The following ITGB6 variants were observed in gnomAD, a reference collection of about 807,000 sequenced individuals.
ITGB6 encodes integrin beta-6.
In ITGB6, 80 loss-of-function variants were observed where a neutral mutation model predicts 84.5. That is an observed-to-expected ratio of 0.95 (90% CI 0.79 to 1.14). The LOEUF (loss-of-function observed/expected upper bound fraction) is 1.14, where lower values mean the gene tolerates loss of function less well. Ranked by LOEUF, ITGB6 falls within the 50% of genes most tolerant of loss-of-function variation. ITGB6 has a pLI of 0.00. For missense variants in ITGB6, 1,006 were observed against 968.0 expected (o/e 1.04, Z -0.52); for synonymous variants, 383 against 354.9 (o/e 1.08, Z -0.89).
intron 4 of ITGB6, among the ~76,000 whole-genome samples, chr2:160,186,359 G>T (rs1340568946): frequency 6.6e-6 from 1 of 151,242 alleles, no homozygotes; most frequent in Non-Finnish European, 1.5e-5. Context: ...AGAAACATAT[G>T]AAAAAAAGCT....
At chr2:160,146,369 C>T (rs1459721158) in intron 7 of ITGB6, among the ~76,000 whole-genome samples, 4 of 152,096 alleles carry the variant, frequency 2.6e-5, no homozygotes, top group Non-Finnish European at 5.9e-5. Flanking sequence ...TCTCTGCTTG[C>T]TTAACTCTCT....
chr2:160,119,170 A>T (rs1682914224), intron 12 of ITGB6, among the ~76,000 whole-genome samples: 1 of 152,200 alleles, frequency 6.6e-6, no homozygotes, highest in Admixed American at 6.5e-5. Flanking sequence ...AACTACTTTA[A>T]AGTTCATATG....
intron 7 of ITGB6, among the ~76,000 whole-genome samples, chr2:160,168,104 C>T (rs1320860218): frequency 6.6e-6 from 1 of 152,198 alleles, no homozygotes; most frequent in Non-Finnish European, 1.5e-5. Context: ...GCGTAGAACA[C>T]AGGTTTCAAG....
intron 7 of ITGB6, among the ~76,000 whole-genome samples, chr2:160,145,759 GT>G (rs1429112099): frequency 6.6e-6 from 1 of 152,184 alleles, no homozygotes; most frequent in Non-Finnish European, 1.5e-5. Context: ...CAGGCTGTTG[GT>G]TGGCCTTCTC....
intron 8 of ITGB6, among the ~76,000 whole-genome samples, chr2:160,141,269 AG>A (rs148573461): frequency 1.3e-5 from 2 of 151,794 alleles, no homozygotes; most frequent in Non-Finnish European, 1.5e-5. Context: ...GCAAAAAAAA[AG>A]GGGGGGTGAT....
In ITGB6 at chr2:160,171,305, A is replaced by T. The variant is rs371600794; in HGVS notation, c.921+1264T>A. Among the ~76,000 whole-genome samples the T allele has an allele frequency of 8.6e-5, 13 of 150,536 alleles. No individual in the cohort carries two copies. In the East Asian group the frequency reaches 1.7e-3, roughly 20 times the overall value. On this transcript the variant is annotated intron_variant, in intron 6 of 14. Transcript: ENST00000283249. Reference sequence around the variant, plus strand: ...AATGGGGAAAATATGACAATCTCAGACTGCTGCTTCAGAAATCAAATTTAT... The same window carrying T: ...AATGGGGAAAATATGACAATCTCAGTCTGCTGCTTCAGAAATCAAATTTAT...
At chr2:160,129,374 G>C (rs193283127) in intron 10 of ITGB6, among the ~76,000 whole-genome samples, 1 of 130,046 alleles carries the variant, frequency 7.7e-6, no homozygotes, top group African/African-American at 3.0e-5. Flanking sequence ...GCAAACTCTC[G>C]TAACTGATAC....
chr2:160,195,751 G>T, intron 3 of ITGB6, 136 bp from the exon 4 acceptor site: 1 of 994,834 alleles, frequency 1.0e-6, no homozygotes, highest in Non-Finnish European at 1.4e-6. Flanking sequence ...TTAACTGTGT[G>T]GTCAAGATCC....
chr2:160,121,608 A>G (rs578219663), intron 12 of ITGB6, among the ~76,000 whole-genome samples: 1 of 152,014 alleles, frequency 6.6e-6, no homozygotes, highest in East Asian at 1.9e-4. Flanking sequence ...ACATGGCAAA[A>G]CCCCATTTCT....
In ITGB6 at chr2:160,120,345, T is replaced by G. The variant is rs868854542; in HGVS notation, c.1981+3446A>C. Among the ~76,000 whole-genome samples, 123 of 76,880 alleles carry G rather than the reference T, an allele frequency of 1.6e-3. 9 individuals are homozygous for G. The South Asian group carries it at 0.043, about 27-fold the overall frequency. 50.4% of individuals were successfully genotyped at this position (76,880 alleles called of 152,430 possible). Reference sequence around the variant, plus strand: ...TGGAATACTATGCAGCCATAAAAAATGATGAGTTCATGTCCTTTGTAGGGA... The same window carrying G: ...TGGAATACTATGCAGCCATAAAAAAGGATGAGTTCATGTCCTTTGTAGGGA... On this transcript the variant is annotated intron_variant, in intron 12 of 14. Coordinates refer to ENST00000283249, the MANE Select transcript of ITGB6 (RefSeq NM_000888.5).
chr2:160,190,506 G>A (rs1686100828), intron 4 of ITGB6, among the ~76,000 whole-genome samples: 1 of 152,182 alleles, frequency 6.6e-6, no homozygotes, highest in African/African-American at 2.4e-5. Flanking sequence ...CAAAGCCCTT[G>A]TGGTTAATCA....
chr2:160,191,941 C>A (rs1358228414), intron 4 of ITGB6, among the ~76,000 whole-genome samples: 1 of 151,918 alleles, frequency 6.6e-6, no homozygotes, highest in Non-Finnish European at 1.5e-5. Context: ...AGATATCTAC[C>A]CTGAAAATGA....
chr2:160,122,861 TA>T (rs1683096363), intron 12 of ITGB6, among the ~76,000 whole-genome samples: 1 of 152,234 alleles, frequency 6.6e-6, no homozygotes, highest in African/African-American at 2.4e-5. Context: ...TAATTCCATC[TA>T]TTCAAGAGAC....
At chr2:160,106,576 A>G (rs942825379) in intron 14 of ITGB6, among the ~76,000 whole-genome samples, 4 of 152,174 alleles carry the variant, frequency 2.6e-5, no homozygotes, top group African/African-American at 9.6e-5. Context: ...TTACAGGTGG[A>G]CTGTTCAAAT....
At position 160,099,949 on chromosome 2, in the gene ITGB6, A is replaced by C. The variant is rs1327211381; in HGVS notation, c.*1787T>G. The C allele has an allele frequency of 6.6e-6, 1 of 152,206 alleles. No homozygotes were observed. The highest frequency in any genetic ancestry group is 1.5e-5 in the Non-Finnish European group (1 of 68,036). 9.4% of individuals were successfully genotyped at this position (152,206 alleles called of 1,614,324 possible). On this transcript the variant is annotated 3_prime_UTR_variant, in exon 15 of 15. Transcript: ENST00000283249. ...AAACAACAGTAAGTCCACGTAGAGG[A>C]GAGGATTGCTGTTGTGTTATCAGCA...
chr2:160,195,478 CTT>C lies in ITGB6; in HGVS notation c.482_483del (p.Lys161ArgfsTer4). Reference protein sequence around the residue: ...TIKELGSRLSKEMSKLTSNFR... With the variant: ...TIKELGSRLSXEMSKLTSNFR... ...AAGTTGCTGGTTAATTTAGACATCT[CTT>C]TGGAAAGCCGGGAGCCCAGCTCCTT... On this transcript the variant is annotated frameshift_variant, in exon 4 of 15. Transcript: ENST00000283249. LOFTEE classifies it high-confidence loss of function. 6.2e-7 allele frequency: 1 copy of C among 1,614,192 alleles called. No individual in the cohort carries two copies. The highest frequency in any genetic ancestry group is 8.5e-7 in the Non-Finnish European group (1 of 1,180,022).
In ITGB6 at chr2:160,160,338, T is replaced by G. The variant is rs1452108528; in HGVS notation, c.1017+8874A>C. ...CATATTTATACTAATAATTATTTGT[T>G]GCTTACTTGACATTCGAATTTAACT... On this transcript the variant is annotated intron_variant, in intron 7 of 14. Transcript: ENST00000283249. Among the ~76,000 whole-genome samples, 3 of 152,240 alleles carry G rather than the reference T, an allele frequency of 2.0e-5. No individual in the cohort carries two copies. In the South Asian group the frequency reaches 6.2e-4, roughly 32 times the overall value.
intron 13 of ITGB6, among the ~76,000 whole-genome samples, chr2:160,109,591 T>C (rs1254691710): frequency 6.6e-6 from 1 of 152,238 alleles, no homozygotes; most frequent in Non-Finnish European, 1.5e-5. Flanking sequence ...CAATTAAAGA[T>C]GTTGGCCCAA....
chr2:160,182,668 A>G (rs1414253053), intron 4 of ITGB6, among the ~76,000 whole-genome samples: 1 of 152,206 alleles, frequency 6.6e-6, no homozygotes, highest in Non-Finnish European at 1.5e-5. Flanking sequence ...CCCCAAGAAG[A>G]GCAACTCCAA....
Sources: allele counts gnomAD v4.1 joint callset (sites outside exome capture counted in the v4.1 genomes callset), GRCh38; gene constraint gnomAD v4.1.1; transcripts MANE v1.5; gene names NCBI Gene and HGNC (gene_info 2026-07-23, HGNC 2026-07-21).